TENT2: variants seen among roughly 807,000 people sequenced by gnomAD.
TENT2 encodes poly(A) RNA polymerase GLD2.
TENT2 carries 44 observed loss-of-function variants against 72.2 expected under a neutral mutation model. That is an observed-to-expected ratio of 0.61 (90% CI 0.48 to 0.78). The LOEUF is 0.78. Ranked by LOEUF, TENT2 falls within the 30% of genes least tolerant of loss-of-function variation. The pLI is 0.00. For missense variants in TENT2, 541 were observed against 569.6 expected (o/e 0.95, Z 0.51); for synonymous variants, 212 against 192.5 (o/e 1.10, Z -0.84).
chr5:79,637,620 T>A (rs1347540935), intron 4 of TENT2, among the ~76,000 whole-genome samples: 1 of 151,720 alleles, frequency 6.6e-6, no homozygotes, highest in Non-Finnish European at 1.5e-5. Context: ...AGAAGGGAGG[T>A]TTTGCCATGT....
At position 79,685,211 on chromosome 5, in the gene TENT2, T is replaced by C; in HGVS notation, c.1393T>C (p.Leu465=). 1 of 1,606,688 alleles carries C rather than the reference T, an allele frequency of 6.2e-7. No homozygotes were observed. The highest frequency in any genetic ancestry group is 8.5e-7 in the Non-Finnish European group (1 of 1,177,574). The change falls in exon 15 of 15, where the codon TTG becomes CTG. Residue 465 remains leucine (L), a synonymous_variant. Transcript: ENST00000453514. The stretch of plus-strand genomic sequence containing the variant: ...CTTTCTCTCCCAGTCATGGCACAGA[T>C]TGAAAAACAAGAGAGATTTGAACAG... ...KDQFLKSWHR[L]KNKRDLNSIL...
intron 8 of TENT2, among the ~76,000 whole-genome samples, chr5:79,646,639 G>A (rs1561518417): frequency 1.3e-5 from 2 of 152,062 alleles, no homozygotes; most frequent in African/African-American, 4.8e-5. Flanking sequence ...TATATAGGGA[G>A]ATAAAACATA....
intron 8 of TENT2, among the ~76,000 whole-genome samples, chr5:79,645,552 G>A (rs1788158758): frequency 6.6e-6 from 1 of 152,070 alleles, no homozygotes; most frequent in Non-Finnish European, 1.5e-5. Flanking sequence ...TTTAAATACA[G>A]TTATGATTAA....
chr5:79,669,907 C>T (rs933133683), intron 12 of TENT2, among the ~76,000 whole-genome samples: 1 of 151,952 alleles, frequency 6.6e-6, no homozygotes, highest in African/African-American at 2.4e-5. Context: ...GGGGAAGTAA[C>T]GTGCTCCAAG....
chr5:79,670,481 C>T (rs1812138652), intron 12 of TENT2, among the ~76,000 whole-genome samples: 3 of 151,544 alleles, frequency 2.0e-5, no homozygotes, highest in South Asian at 2.1e-4. Flanking sequence ...CCCGTGACCA[C>T]GCCTGGCTAA....
Position 79,623,241 on chromosome 5 carries a change from C to T in TENT2, c.228-11C>T. On this transcript the variant is annotated splice_polypyrimidine_tract_variant and intron_variant, in intron 3 of 14. Coordinates refer to ENST00000453514, the MANE Select transcript of TENT2 (RefSeq NM_001114394.3). ...TATCTTTAATTACTAAGGTATATTG[C>T]TTGTTTTCAGGAGATTAAGCGATGA... is the stretch of plus-strand genomic sequence containing the variant. 1.3e-6 allele frequency: 2 copies of T among 1,594,412 alleles called. No individual in the cohort carries two copies. The highest frequency in any genetic ancestry group is 1.7e-6 in the Non-Finnish European group (2 of 1,169,360).
chr5:79,679,598 T>G lies in TENT2; in HGVS notation c.1228T>G (p.Ser410Ala). 2 of 1,600,222 alleles carry G rather than the reference T, an allele frequency of 1.2e-6. No individual in the cohort carries two copies. Among genetic ancestry groups the G allele is most frequent in the Non-Finnish European group, 1.7e-6 (2 of 1,172,156 alleles). ...TEFDWNSQMI[S>A]VREAKAIPRP... ...TTATAGCTGGAATAGTCAAATGATT[T>G]CAGTTCGTGAAGCCAAAGCCATTCC... The change falls in exon 13 of 15, where the codon TCA becomes GCA. Residue 410 changes from serine to alanine, a missense_variant. Transcript: ENST00000453514.
intron 10 of TENT2, 26 bp from the exon 11 acceptor site, chr5:79,656,932 A>C: frequency 6.3e-7 from 1 of 1,581,058 alleles, no homozygotes; most frequent in Non-Finnish European, 8.6e-7. Context: ...TGAATCACGG[A>C]AGCTTTAAAC....
chr5:79,686,866 G>A lies in TENT2; in HGVS notation c.*1593G>A, dbSNP rs2151054796. ...ATTTGAGCTTTTCATATTTTGGGGG[G>A]GAATTTTTCCTAAAATTTACACTGT... On this transcript the variant is annotated 3_prime_UTR_variant, in exon 15 of 15. Coordinates refer to ENST00000453514, the MANE Select transcript of TENT2 (RefSeq NM_001114394.3). Among the ~76,000 whole-genome samples, 1 of 152,050 alleles carries A rather than the reference G, an allele frequency of 6.6e-6. No homozygotes were observed. The highest frequency in any genetic ancestry group is 1.9e-4 in the East Asian group (1 of 5,192).
intron 12 of TENT2, among the ~76,000 whole-genome samples, chr5:79,676,433 A>G (rs984246616): frequency 6.6e-5 from 10 of 152,120 alleles, no homozygotes; most frequent in Admixed American, 5.2e-4. Context: ...AAAAATACAA[A>G]AATTAGCCAG....
At chr5:79,648,726 C>CT in intron 9 of TENT2, 33 bp downstream of exon 9, 5 of 1,458,350 alleles carry the variant, frequency 3.4e-6, no homozygotes, top group Middle Eastern at 1.9e-4. Flanking sequence ...AAAAATTAGC[C>CT]TTTTTTTCTT....
intron 1 of TENT2, among the ~76,000 whole-genome samples, chr5:79,616,262 G>A (rs569661208): frequency 3.0e-4 from 42 of 141,086 alleles, no homozygotes; most frequent in African/African-American, 9.3e-4. Flanking sequence ...GCAATTGCGC[G>A]ATCTTGGCTC....
chr5:79,629,386 T>G (rs1383581458), intron 4 of TENT2, among the ~76,000 whole-genome samples: 1 of 152,200 alleles, frequency 6.6e-6, no homozygotes, highest in East Asian at 1.9e-4. Context: ...AAGTGACAGT[T>G]GAAACACCCT....
At chr5:79,673,528 A>G (rs1814685894) in intron 12 of TENT2, among the ~76,000 whole-genome samples, 1 of 151,986 alleles carries the variant, frequency 6.6e-6, no homozygotes, top group African/African-American at 2.4e-5. Flanking sequence ...TAGTATTCCC[A>G]GCACTATTTA....
rs759502272 is a variant in TENT2, at chr5:79,645,152, C to A, written c.781C>A (p.Arg261=). 5.0e-6 allele frequency: 8 copies of A among 1,607,138 alleles called. No individual in the cohort carries two copies. Among genetic ancestry groups the A allele is most frequent in the Non-Finnish European group, 6.8e-6 (8 of 1,176,868 alleles). Residue 261 remains arginine, a synonymous_variant, in exon 8 of 15, where the codon CGA becomes AGA. Transcript: ENST00000453514. ...SGYIERPQLI[R]AKVPIVKFRD... is the part of the protein sequence containing the mutation. ...CTACATTGAGAGACCTCAGCTGATT[C>A]GAGCAAAAGTGCCAATTGTGAAGTT...
chr5:79,664,674 G>A (rs1372902678), intron 11 of TENT2, among the ~76,000 whole-genome samples: 1 of 151,688 alleles, frequency 6.6e-6, no homozygotes, highest in South Asian at 2.1e-4. Context: ...TTTAAAGTTG[G>A]CACTACCTGA....
chr5:79,633,721 GT>G lies in TENT2; in HGVS notation c.466-7112del, dbSNP rs10565563. 5.8e-3 allele frequency among the ~76,000 whole-genome samples: 755 copies of G among 130,264 alleles called. 5 individuals are homozygous for G. Among genetic ancestry groups the G allele is most frequent in the African/African-American group, 0.015 (566 of 37,692 alleles). 85.5% of individuals were successfully genotyped at this position (130,264 alleles called of 152,430 possible). On this transcript the variant is annotated intron_variant, in intron 4 of 14. Coordinates refer to ENST00000453514, the MANE Select transcript of TENT2 (RefSeq NM_001114394.3). ...ATGAGCCACTGTGCCAGGCTAAAAA[GT>G]TTTTTTTTTTTTTTTTTCCACTTTC...
At chr5:79,657,170 T>A (rs1232839176) in intron 11 of TENT2, among the ~76,000 whole-genome samples, 169 bp downstream of exon 11, 1 of 152,054 alleles carries the variant, frequency 6.6e-6, no homozygotes, top group Non-Finnish European at 1.5e-5. Context: ...TTCAGAAAAC[T>A]CTCTTACTTG....
intron 4 of TENT2, among the ~76,000 whole-genome samples, chr5:79,634,773 T>C (rs1778754559): frequency 6.6e-6 from 1 of 150,510 alleles, no homozygotes; most frequent in African/African-American, 2.5e-5. Flanking sequence ...TAGATCTTGG[T>C]AGGTAGCCTA....
Sources: allele counts gnomAD v4.1 joint callset (sites outside exome capture counted in the v4.1 genomes callset), GRCh38; gene constraint gnomAD v4.1.1; transcripts MANE v1.5; gene names NCBI Gene and HGNC (gene_info 2026-07-23, HGNC 2026-07-21).